Variants in CPPED1 observed in about 807,000 individuals in gnomAD.
CPPED1 encodes serine/threonine-protein phosphatase CPPED1.
A neutral mutation model predicts 28.0 loss-of-function variants in CPPED1; 28 were observed. That is an observed-to-expected ratio of 1.00 (90% CI 0.74 to 1.37). The LOEUF is 1.37. CPPED1 is among the 40% of genes most tolerant of loss of function. The probability of loss-of-function intolerance (pLI) is 0.00; values close to 1 mark genes in which losing one functional copy is unlikely to be tolerated. For missense variants in CPPED1, 504 were observed against 416.5 expected (o/e 1.21, Z -1.83); for synonymous variants, 198 against 180.2 (o/e 1.10, Z -0.79).
intron 3 of CPPED1, among the ~76,000 whole-genome samples, chr16:12,676,442 T>C (rs1212298798): frequency 6.6e-6 from 1 of 152,182 alleles, no homozygotes; most frequent in Non-Finnish European, 1.5e-5. Context: ...ACCTGCATCA[T>C]CTCACTCAAG....
At chr16:12,771,330 C>T (rs2080469292) in intron 2 of CPPED1, among the ~76,000 whole-genome samples, 1 of 152,250 alleles carries the variant, frequency 6.6e-6, no homozygotes, top group Admixed American at 6.5e-5. Flanking sequence ...TTCCAGAAAA[C>T]TGTACTGGGT....
rs1392408456 is a variant in CPPED1, at chr16:12,706,255, C to T, written c.290-1206G>A. ...TATTCATGTATTATGGATAAAATGT[C>T]CCCCAAGATTCAAAGAAAACTGTTA... is the stretch of plus-strand genomic sequence containing the variant. On this transcript the variant is annotated intron_variant, in intron 2 of 3. Coordinates refer to ENST00000381774, the MANE Select transcript of CPPED1 (RefSeq NM_018340.3). 3.3e-5 allele frequency among the ~76,000 whole-genome samples: 5 copies of T among 151,792 alleles called. No homozygotes were observed. The East Asian group carries it at 7.8e-4, about 24-fold the overall frequency.
intron 2 of CPPED1, among the ~76,000 whole-genome samples, chr16:12,748,571 C>T (rs1292294431): frequency 6.6e-6 from 1 of 152,156 alleles, no homozygotes; most frequent in Non-Finnish European, 1.5e-5. Flanking sequence ...GTTATATTTA[C>T]ACTCCGCTGT....
intron 3 of CPPED1, among the ~76,000 whole-genome samples, chr16:12,691,272 C>T (rs959496120): frequency 1.3e-5 from 2 of 152,108 alleles, no homozygotes; most frequent in African/African-American, 4.8e-5. Flanking sequence ...GTATAGTGTC[C>T]TGTGTGTGTT....
At chr16:12,703,005 T>A (rs1242281643) in intron 3 of CPPED1, among the ~76,000 whole-genome samples, 3 of 114,672 alleles carry the variant, frequency 2.6e-5, no homozygotes, top group African/African-American at 7.1e-5. Flanking sequence ...AGAGCGGGAC[T>A]CCGTCTCAAA....
chr16:12,746,549 G>A (rs927826326), intron 2 of CPPED1, among the ~76,000 whole-genome samples: 5 of 152,118 alleles, frequency 3.3e-5, no homozygotes, highest in Non-Finnish European at 5.9e-5. Flanking sequence ...TACCAGATGC[G>A]GCTCTGGATC....
intron 2 of CPPED1, among the ~76,000 whole-genome samples, chr16:12,722,114 C>T (rs942805402): frequency 2.0e-5 from 3 of 152,154 alleles, no homozygotes; most frequent in Admixed American, 6.5e-5. Flanking sequence ...CAAAGGAGAA[C>T]TGATGATGAT....
chr16:12,698,509 G>A (rs905083250), intron 3 of CPPED1, among the ~76,000 whole-genome samples: 3 of 152,050 alleles, frequency 2.0e-5, no homozygotes, highest in Non-Finnish European at 4.4e-5. Context: ...TTGGCTCACC[G>A]CAACCTCCGC....
chr16:12,695,887 T>A (rs926851647), intron 3 of CPPED1, among the ~76,000 whole-genome samples: 1 of 152,226 alleles, frequency 6.6e-6, no homozygotes, highest in Non-Finnish European at 1.5e-5. Context: ...ACTGTGAACT[T>A]TAATTTGTCT....
At position 12,682,856 on chromosome 16, in the gene CPPED1, G is replaced by A. The variant is rs72779023; in HGVS notation, c.716-17741C>T. On this transcript the variant is annotated intron_variant, in intron 3 of 3. Coordinates refer to ENST00000381774, the MANE Select transcript of CPPED1 (RefSeq NM_018340.3). This position sits in a 1 kb window ranked among gnomAD's most constrained non-coding sequence, Gnocchi z 6.1. ...TGGCAGCTTGCGTGTGAAATGGAGCGTGGGGCCCACATTAAGGTTTCAATC... is the reference window on the plus strand; with the variant it reads ...TGGCAGCTTGCGTGTGAAATGGAGCATGGGGCCCACATTAAGGTTTCAATC... Among the ~76,000 whole-genome samples, 634 of 152,266 alleles carry A rather than the reference G, an allele frequency of 4.2e-3. 1 individual carries two copies. Among genetic ancestry groups the A allele is most frequent in the Non-Finnish European group, 7.2e-3 (490 of 68,012 alleles).
chr16:12,799,124 A>C (rs948627180), intron 1 of CPPED1, among the ~76,000 whole-genome samples: 2 of 152,140 alleles, frequency 1.3e-5, no homozygotes, highest in East Asian at 1.9e-4. Context: ...CAAACTGCTC[A>C]ATGAGCTGAT....
intron 2 of CPPED1, among the ~76,000 whole-genome samples, chr16:12,741,397 C>T (rs1451665118): frequency 6.7e-6 from 1 of 149,256 alleles, no homozygotes; most frequent in African/African-American, 2.5e-5. Context: ...ATGTCAGAGT[C>T]ATTAGCGGTG....
intron 2 of CPPED1, among the ~76,000 whole-genome samples, chr16:12,766,631 T>G (rs1393231143): frequency 1.3e-5 from 2 of 152,226 alleles, no homozygotes; most frequent in African/African-American, 4.8e-5. Context: ...ATATCAGGTG[T>G]GGTGGCGGGC....
At chr16:12,702,895 C>T (rs563643955) in intron 3 of CPPED1, among the ~76,000 whole-genome samples, 1 of 151,682 alleles carries the variant, frequency 6.6e-6, no homozygotes, top group Non-Finnish European at 1.5e-5. Context: ...GCCTGTAATC[C>T]CAGGTACTCA....
chr16:12,676,214 G>C (rs758673118), intron 3 of CPPED1, among the ~76,000 whole-genome samples: 2 of 152,184 alleles, frequency 1.3e-5, no homozygotes, highest in African/African-American at 2.4e-5. Context: ...GGTAAGGTGG[G>C]AGGCTGCTTC....
At chr16:12,668,329 C>T (rs999292681) in intron 3 of CPPED1, among the ~76,000 whole-genome samples, 2 of 151,986 alleles carry the variant, frequency 1.3e-5, no homozygotes, top group South Asian at 4.2e-4. Context: ...TGAAACTAAA[C>T]ATCAAAAATG....
At chr16:12,714,254 G>A (rs777175705) in intron 2 of CPPED1, among the ~76,000 whole-genome samples, 1 of 152,150 alleles carries the variant, frequency 6.6e-6, no homozygotes. Flanking sequence ...CCACGTGCAA[G>A]TTTTTCACAT....
intron 2 of CPPED1, among the ~76,000 whole-genome samples, chr16:12,718,531 T>A (rs1337478670): frequency 7.8e-6 from 1 of 127,564 alleles, no homozygotes; most frequent in African/African-American, 3.0e-5. Context: ...AGAGCAAGAC[T>A]CTGTCTTAAA....
chr16:12,680,343 GTTCAT>G (rs2079898361), intron 3 of CPPED1, among the ~76,000 whole-genome samples: 1 of 151,878 alleles, frequency 6.6e-6, no homozygotes, highest in East Asian at 1.9e-4. Context: ...TTTATTGTCA[GTTCAT>G]TTCGACAGTG....
Sources: gnomAD v4.1 joint callset for allele counts (sites outside exome capture counted in the v4.1 genomes callset) on GRCh38, gnomAD v4.1.1 for gene constraint, Gnocchi (gnomAD v3.1) non-coding constraint, MANE v1.5 for transcripts, NCBI Gene and HGNC (gene_info 2026-07-23, HGNC 2026-07-21) for gene names.